The following VIT variants were observed in gnomAD, a reference collection of about 807,000 sequenced individuals.
VIT encodes vitrin.
Under a neutral mutation model 78.0 loss-of-function variants are expected in VIT, and 99 were observed. That is an observed-to-expected ratio of 1.27 (90% CI 1.08 to 1.50). VIT has a LOEUF of 1.50. Ranked by LOEUF, VIT falls within the 40% of genes most tolerant of loss-of-function variation. VIT has a pLI of 0.00. For synonymous variants in VIT, 374 were observed against 334.3 expected, an observed-to-expected ratio of 1.12 and a Z score of -1.29; for missense variants, 1,126 against 875.3, an observed-to-expected ratio of 1.29 and a Z score of -3.61.
chr2:36,803,981 C>T (rs562932732), intron 13 of VIT, among the ~76,000 whole-genome samples: 9 of 152,268 alleles, frequency 5.9e-5, no homozygotes, highest in East Asian at 1.9e-4. Flanking sequence ...CTAGGGTGAA[C>T]GGTCATCCCA....
intron 10 of VIT, among the ~76,000 whole-genome samples, chr2:36,782,988 A>G (rs1404714849): frequency 6.6e-6 from 1 of 152,220 alleles, no homozygotes; most frequent in Non-Finnish European, 1.5e-5. Flanking sequence ...AGCAAGACAC[A>G]TTCTGTGGCT....
intron 2 of VIT, 29 bp downstream of exon 2, chr2:36,716,451 A>G: frequency 6.2e-7 from 1 of 1,609,344 alleles, no homozygotes; most frequent in Non-Finnish European, 8.5e-7. Flanking sequence ...GTATCTGGAT[A>G]CCCTTTTAAA....
At chr2:36,703,290 T>C (rs893609026) in intron 1 of VIT, among the ~76,000 whole-genome samples, 4 of 152,082 alleles carry the variant, frequency 2.6e-5, no homozygotes, top group African/African-American at 9.7e-5. Context: ...ATAGGCATTT[T>C]CCCTCCTCTT....
chr2:36,725,843 A>G (rs903662298), intron 2 of VIT, among the ~76,000 whole-genome samples: 1 of 152,120 alleles, frequency 6.6e-6, no homozygotes, highest in African/African-American at 2.4e-5. Flanking sequence ...AGGCCGGGGC[A>G]GGAGGATCGC....
intron 12 of VIT, among the ~76,000 whole-genome samples, chr2:36,795,096 A>G (rs1314280743): frequency 6.6e-6 from 1 of 152,210 alleles, no homozygotes; most frequent in Non-Finnish European, 1.5e-5. Context: ...GATGCTAAGT[A>G]CTAGGGATTG....
chr2:36,719,423 C>A (rs1290497117), intron 2 of VIT, among the ~76,000 whole-genome samples: 1 of 152,072 alleles, frequency 6.6e-6, no homozygotes, highest in Non-Finnish European at 1.5e-5. Flanking sequence ...ATATTATATA[C>A]AGAAAGCCCT....
rs765253189 is a variant in VIT at position 36,781,745 on chromosome 2, A to G, written c.821A>G (p.Lys274Arg). 37 of 1,614,066 alleles carry G rather than the reference A, an allele frequency of 2.3e-5. No individual in the cohort carries two copies. Among genetic ancestry groups the G allele is most frequent in the Non-Finnish European group, 3.1e-5 (36 of 1,180,048 alleles). Residue 274 changes from lysine (K) to arginine (R), a missense_variant, in exon 10 of 16, where the codon AAA (lysine) becomes AGA (arginine). By Grantham distance (26) the Lys-to-Arg change is conservative. Transcript: ENST00000379242. ...AAATCAGGAGAGATGGACTCATGGAAACCTGGATCGGTCCTTTTAGATGAA... is the reference window on the plus strand; with the variant it reads ...AAATCAGGAGAGATGGACTCATGGAGACCTGGATCGGTCCTTTTAGATGAA... ...DVSLGEMDSW[K>R]PGSVLLDEGL... is the part of the protein sequence containing the mutation.
At chr2:36,715,786 T>C (rs1201145944) in intron 1 of VIT, among the ~76,000 whole-genome samples, 1 of 152,198 alleles carries the variant, frequency 6.6e-6, no homozygotes, top group African/African-American at 2.4e-5. Flanking sequence ...CTTCCCCTTA[T>C]ACTCTCTTAT....
Position 36,737,344 on chromosome 2 carries a change from A to G in VIT, c.119-5756A>G, listed in dbSNP as rs1455502966. ...GATTAGGACCCACCAGGCAACACCA[A>G]TCTGAGAAGCTTTTTTTCTTTGTCA... On this transcript the variant is annotated intron_variant, in intron 3 of 15. Coordinates refer to ENST00000379242, the MANE Select transcript of VIT (RefSeq NM_053276.4). Among the ~76,000 whole-genome samples the G allele has an allele frequency of 2.6e-5, 4 of 152,208 alleles. No homozygotes were observed. The East Asian group carries it at 7.7e-4, about 29-fold the overall frequency.
At chr2:36,809,926 G>C (rs1314941910) in intron 15 of VIT, among the ~76,000 whole-genome samples, 4 of 149,298 alleles carry the variant, frequency 2.7e-5, no homozygotes, top group African/African-American at 1.0e-4. Flanking sequence ...TGGAGTTGGA[G>C]GCTGCAGTGA....
chr2:36,767,176 C>G lies in VIT; in HGVS notation c.570C>G (p.Val190=). ...QPVTLMQLLA[V]TVAVATPTTL... The stretch of plus-strand genomic sequence containing the variant: ...TCACTCTGATGCAGCTTCTGGCTGT[C>G]ACTGTAGCTGTGGCCACCCCCACCA... The change falls in exon 7 of 16, where the codon GTC becomes GTG. Residue 190 remains valine, a synonymous_variant. Coordinates refer to ENST00000379242, the MANE Select transcript of VIT (RefSeq NM_053276.4). 6.2e-7 allele frequency: 1 copy of G among 1,612,074 alleles called. No homozygotes were observed. Among genetic ancestry groups the G allele is most frequent in the Non-Finnish European group, 8.5e-7 (1 of 1,179,286 alleles).
intron 3 of VIT, among the ~76,000 whole-genome samples, chr2:36,733,606 G>A (rs1181080892): frequency 6.6e-6 from 1 of 152,234 alleles, no homozygotes; most frequent in Non-Finnish European, 1.5e-5. Flanking sequence ...AAGCATTACA[G>A]ATTTACATGC....
intron 1 of VIT, among the ~76,000 whole-genome samples, chr2:36,712,599 A>C (rs1665872973): frequency 6.6e-6 from 1 of 152,142 alleles, no homozygotes; most frequent in Non-Finnish European, 1.5e-5. Context: ...AGACTTTGGG[A>C]GGCTGAGGCG....
chr2:36,813,736 G>A (rs1010485927), intron 15 of VIT, among the ~76,000 whole-genome samples: 1 of 152,084 alleles, frequency 6.6e-6, no homozygotes, highest in African/African-American at 2.4e-5. Context: ...GGCATTTAAG[G>A]CTCTCTCAGA....
chr2:36,802,084 A>G (rs1453949843), intron 13 of VIT, among the ~76,000 whole-genome samples: 1 of 152,196 alleles, frequency 6.6e-6, no homozygotes, highest in African/African-American at 2.4e-5. Context: ...AAAGAGAAAC[A>G]TGTTCTCTGT....
intron 7 of VIT, among the ~76,000 whole-genome samples, chr2:36,770,174 T>C (rs964638731): frequency 2.0e-5 from 3 of 152,230 alleles, no homozygotes; most frequent in African/African-American, 7.2e-5. Flanking sequence ...ATGCCCACTA[T>C]GTGTCAGGCA....
chr2:36,749,868 T>G (rs1668353217), intron 4 of VIT, among the ~76,000 whole-genome samples: 1 of 152,224 alleles, frequency 6.6e-6, no homozygotes, highest in Non-Finnish European at 1.5e-5. Context: ...TATATAAAAT[T>G]CATTCTATGT....
At chr2:36,813,636 T>C (rs1667353930) in intron 15 of VIT, among the ~76,000 whole-genome samples, 1 of 152,116 alleles carries the variant, frequency 6.6e-6, no homozygotes, top group African/African-American at 2.4e-5. Flanking sequence ...GGAAATGAGG[T>C]TGGATTCAAT....
intron 11 of VIT, among the ~76,000 whole-genome samples, chr2:36,784,316 G>A (rs1328334914): frequency 6.6e-6 from 1 of 152,174 alleles, no homozygotes; most frequent in Non-Finnish European, 1.5e-5. Context: ...TATTAAAGAT[G>A]CCCATCTTCC....
Sources: allele counts gnomAD v4.1 joint callset (sites outside exome capture counted in the v4.1 genomes callset), GRCh38; gene constraint gnomAD v4.1.1; transcripts MANE v1.5; gene names NCBI Gene and HGNC (gene_info 2026-07-23, HGNC 2026-07-21).